ERI3: variants seen among roughly 807,000 people sequenced by gnomAD.
ERI3 encodes the protein ERI1 exoribonuclease 3.
ERI3 carries 18 observed loss-of-function variants against 44.4 expected under a neutral mutation model. That is an observed-to-expected ratio of 0.41 (90% CI 0.28 to 0.60). ERI3 has a LOEUF of 0.60. Among genes scored for constraint, ERI3 ranks in the 20% least tolerant of loss-of-function variants. The pLI is 0.36. For missense variants in ERI3, 294 were observed against 435.5 expected (o/e 0.68, Z 2.89); for synonymous variants, 183 against 164.8 (o/e 1.11, Z -0.84).
At chr1:44,281,601 A>AATATATATATATAT (rs1553189558) in intron 7 of ERI3, among the ~76,000 whole-genome samples, 24 of 128,026 alleles carry the variant, frequency 1.9e-4, no homozygotes, top group Admixed American at 5.6e-4. Context: ...AAAAAAAAAA[A>AATATATATATATAT]ATATATATAT....
rs537717175 is a variant in ERI3 at position 44,305,477 on chromosome 1, G to C, written c.758+2833C>G. On this transcript the variant is annotated intron_variant, in intron 6 of 8. Transcript: ENST00000372257. ...TGACCAAGAGCCAGACCCACAACAA[G>C]TGTTGTTTCTTGAAAAAATTGAGAG... Among the ~76,000 whole-genome samples the C allele has an allele frequency of 1.1e-3, 167 of 152,326 alleles. 1 individual carries two copies. The highest frequency in any genetic ancestry group is 4.0e-3 in the African/African-American group (165 of 41,568).
At chr1:44,321,082 GAAAACAC>G (rs989628716) in intron 3 of ERI3, among the ~76,000 whole-genome samples, 26 of 152,264 alleles carry the variant, frequency 1.7e-4, no homozygotes, top group Middle Eastern at 6.8e-3. Flanking sequence ...TGATGGGTGG[GAAAACAC>G]AAGGAGAAAT....
chr1:44,244,978 C>G (rs530779648), intron 8 of ERI3, among the ~76,000 whole-genome samples: 2 of 152,112 alleles, frequency 1.3e-5, no homozygotes, highest in East Asian at 1.9e-4. Context: ...CTTACCCCCC[C>G]AGCCAATACA....
rs1191073843 is a variant in ERI3 at position 44,252,719 on chromosome 1, G to A, written c.832-4681C>T. Among the ~76,000 whole-genome samples, 3 of 152,194 alleles carry A rather than the reference G, an allele frequency of 2.0e-5. No individual in the cohort carries two copies. Among genetic ancestry groups the A allele is most frequent in the Non-Finnish European group, 2.9e-5 (2 of 68,022 alleles). On this transcript the variant is annotated intron_variant, in intron 7 of 8. Transcript: ENST00000372257. This position sits in a 1 kb window ranked among gnomAD's most constrained non-coding sequence, Gnocchi z 4.7. ...CGGCTGCAGCATCAGATCCTTCAAA[G>A]AGGAAAGAGGCCTCAGCAGCTGCTA... is the stretch of plus-strand genomic sequence containing the variant.
At chr1:44,334,387 G>A (rs1259640482) in intron 3 of ERI3, among the ~76,000 whole-genome samples, 1 of 152,112 alleles carries the variant, frequency 6.6e-6, no homozygotes, top group Non-Finnish European at 1.5e-5. Flanking sequence ...CCATCACTCG[G>A]TGCACATCCA....
chr1:44,332,463 T>A (rs1218881597), intron 3 of ERI3, among the ~76,000 whole-genome samples: 2 of 152,028 alleles, frequency 1.3e-5, no homozygotes, highest in Non-Finnish European at 2.9e-5. Flanking sequence ...CCCAGACAAC[T>A]CCACAGCCTG....
chr1:44,321,319 T>C (rs1332722182), intron 3 of ERI3, among the ~76,000 whole-genome samples: 1 of 152,116 alleles, frequency 6.6e-6, no homozygotes, highest in African/African-American at 2.4e-5. Context: ...AGGAGCTTAT[T>C]CCCAGAGATA....
At chr1:44,275,646 G>C (rs1645166645) in intron 7 of ERI3, among the ~76,000 whole-genome samples, 1 of 152,170 alleles carries the variant, frequency 6.6e-6, no homozygotes, top group South Asian at 2.1e-4. Flanking sequence ...ATCCTCTTCG[G>C]AGCACCCAGA....
At chr1:44,242,398 A>G (rs1157058943) in intron 8 of ERI3, among the ~76,000 whole-genome samples, 1 of 152,260 alleles carries the variant, frequency 6.6e-6, no homozygotes, top group Non-Finnish European at 1.5e-5. Flanking sequence ...GAGGCTCTCT[A>G]GTTGAGCCAG....
chr1:44,272,138 T>C (rs1645099858), intron 7 of ERI3, among the ~76,000 whole-genome samples: 1 of 152,198 alleles, frequency 6.6e-6, no homozygotes, highest in African/African-American at 2.4e-5. Context: ...AGGTCAACTC[T>C]AGAAGGTGGA....
intron 8 of ERI3, among the ~76,000 whole-genome samples, chr1:44,232,814 G>A (rs747332182): frequency 4.6e-5 from 7 of 152,276 alleles, no homozygotes; most frequent in Admixed American, 3.3e-4. Context: ...AACTAAAAAC[G>A]TAGTCTTTTA....
chr1:44,250,585 G>C (rs1397573632), intron 7 of ERI3, among the ~76,000 whole-genome samples: 1 of 152,182 alleles, frequency 6.6e-6, no homozygotes, highest in Admixed American at 6.5e-5. Context: ...TTTCAGGAAG[G>C]GCAGTCTGGC....
At chr1:44,296,292 C>A (rs1319164181) in intron 6 of ERI3, among the ~76,000 whole-genome samples, 4 of 152,152 alleles carry the variant, frequency 2.6e-5, no homozygotes, top group African/African-American at 9.7e-5. Flanking sequence ...CCCCTGAGGT[C>A]GCTGCATCTG....
At chr1:44,283,342 G>A (rs1193790910) in intron 7 of ERI3, among the ~76,000 whole-genome samples, 2 of 152,198 alleles carry the variant, frequency 1.3e-5, no homozygotes, top group Non-Finnish European at 2.9e-5. Flanking sequence ...TGATCCAGAT[G>A]GCCATGTCTG....
intron 3 of ERI3, among the ~76,000 whole-genome samples, chr1:44,334,850 G>A (rs768359003): frequency 4.3e-4 from 65 of 152,344 alleles, no homozygotes; most frequent in African/African-American, 1.5e-3. Flanking sequence ...AGTTTTTCGT[G>A]ATGGCATTCC....
chr1:44,277,821 CATGCCTTGGT>C (rs896817700), intron 7 of ERI3, among the ~76,000 whole-genome samples: 2 of 152,196 alleles, frequency 1.3e-5, no homozygotes, highest in Non-Finnish European at 2.9e-5. Flanking sequence ...ATCATCGCTC[CATGCCTTGGT>C]TTTCTCAACC....
rs181898056 is a variant in ERI3, at chr1:44,228,081, G to A, written c.932-6441C>T. On this transcript the variant is annotated intron_variant, in intron 8 of 8. Transcript: ENST00000372257. This position sits in a 1 kb window ranked among gnomAD's most constrained non-coding sequence, Gnocchi z 4.3. Reference sequence around the variant, plus strand: ...AGACATGGCCTACACAGTCCCCTGCGCCCCCATTCACGGCCACCTTGGCCC... The same window carrying A: ...AGACATGGCCTACACAGTCCCCTGCACCCCCATTCACGGCCACCTTGGCCC... Among the ~76,000 whole-genome samples the A allele has an allele frequency of 1.8e-4, 27 of 148,146 alleles. No homozygotes were observed. The highest frequency in any genetic ancestry group is 3.0e-4 in the Non-Finnish European group (20 of 67,278).
chr1:44,242,182 T>C, intron 8 of ERI3: 1 of 960,804 alleles, frequency 1.0e-6, no homozygotes, highest in Non-Finnish European at 1.2e-6. Context: ...GAGGGGGCAG[T>C]AGTGTACAGT....
intron 7 of ERI3, chr1:44,284,046 T>C (rs1645342634): frequency 4.2e-6 from 2 of 471,150 alleles, no homozygotes; most frequent in Non-Finnish European, 4.4e-6. Context: ...ATGAGGTTCC[T>C]GAGGCTGTTC....
Sources: gnomAD v4.1 joint callset for allele counts (sites outside exome capture counted in the v4.1 genomes callset) on GRCh38, gnomAD v4.1.1 for gene constraint, Gnocchi (gnomAD v3.1) non-coding constraint, MANE v1.5 for transcripts, NCBI Gene and HGNC (gene_info 2026-07-23, HGNC 2026-07-21) for gene names.